MYLK: variants seen among roughly 807,000 people sequenced by gnomAD.
The protein encoded by MYLK is myosin light chain kinase, smooth muscle.
MYLK carries 106 observed loss-of-function variants against 203.4 expected under a neutral mutation model. That is an observed-to-expected ratio of 0.52 (90% confidence interval 0.45 to 0.61). MYLK has a LOEUF of 0.61. Among genes scored for constraint, MYLK ranks in the 20% least tolerant of loss-of-function variants. The pLI, the probability that MYLK is intolerant of heterozygous loss-of-function variation, is 0.00. For synonymous variants in MYLK, 867 were observed against 959.5 expected (o/e 0.90, Z 1.78); for missense variants, 2,072 against 2,442.3 (o/e 0.85, Z 3.20).
At chr3:123,694,820 CT>C (rs1350960936) in intron 18 of MYLK, among the ~76,000 whole-genome samples, 1 of 152,164 alleles carries the variant, frequency 6.6e-6, no homozygotes. Flanking sequence ...GGAGGCCCCC[CT>C]AGCAGGCTTG....
rs552093124 is a variant in MYLK, at chr3:123,633,418, C to T, written c.4962-3792G>A. On this transcript the variant is annotated intron_variant, in intron 29 of 33. Transcript: ENST00000360304. ...CTGGGAGTATAAGCATGAGCCACTG[C>T]GCCCAGCTAGATAACAGTCATTATT... 1.5e-4 allele frequency among the ~76,000 whole-genome samples: 23 copies of T among 152,236 alleles called. 1 individual carries two copies. The highest frequency in any genetic ancestry group is 1.2e-3 in the South Asian group (6 of 4,826).
chr3:123,689,960 T>A (rs975631814), intron 19 of MYLK, among the ~76,000 whole-genome samples: 3 of 152,234 alleles, frequency 2.0e-5, no homozygotes, highest in African/African-American at 7.2e-5. Flanking sequence ...GTGTGGGTAA[T>A]GCTATTTTAG....
At chr3:123,735,646 T>C (rs1576787991) in intron 8 of MYLK, 1 of 532,858 alleles carries the variant, frequency 1.9e-6, no homozygotes, top group Non-Finnish European at 3.4e-6. Context: ...TACCATACCC[T>C]GAGGGCATGG....
chr3:123,774,387 T>C (rs1485379979), intron 4 of MYLK, among the ~76,000 whole-genome samples: 1 of 152,142 alleles, frequency 6.6e-6, no homozygotes, highest in East Asian at 1.9e-4. Context: ...TGGACGGGGT[T>C]GGGCGTTCAT....
chr3:123,849,203 T>C (rs1219947890), intron 2 of MYLK, among the ~76,000 whole-genome samples: 2 of 152,112 alleles, frequency 1.3e-5, no homozygotes, highest in Non-Finnish European at 2.9e-5. Flanking sequence ...CTCAAATTTC[T>C]GAGCTCAAGT....
In MYLK at chr3:123,700,596, C is replaced by A; in HGVS notation, c.2872G>T (p.Ala958Ser). The A allele has an allele frequency of 6.2e-7, 1 of 1,613,718 alleles. No individual in the cohort carries two copies. The highest frequency in any genetic ancestry group is 8.5e-7 in the Non-Finnish European group (1 of 1,180,024). The change falls in exon 18 of 34, where the codon GCC becomes TCC. Residue 958 changes from alanine (A) to serine (S), a missense_variant. Transcript: ENST00000360304. ...PQQVDFRSVLAKKGTSKTPVP... is the reference protein window; with the variant it reads ...PQQVDFRSVLSKKGTSKTPVP... ...GGGGTCTTGGAAGTCCCCTTCTTGG[C>A]CAGGACAGAGCGAAAATCGACCTGC...
chr3:123,816,980 A>AT (rs1463636603), intron 3 of MYLK, among the ~76,000 whole-genome samples: 1 of 152,212 alleles, frequency 6.6e-6, no homozygotes, highest in Non-Finnish European at 1.5e-5. Flanking sequence ...TAGCACTGAG[A>AT]TTTAAGTGGA....
intron 1 of MYLK, among the ~76,000 whole-genome samples, chr3:123,879,637 T>C (rs1416197594): frequency 6.6e-6 from 1 of 152,102 alleles, no homozygotes; most frequent in African/African-American, 2.4e-5. Context: ...TTGTTGTTGT[T>C]GTTTGTTTGT....
intron 18 of MYLK, 72 bp downstream of exon 18, chr3:123,699,948 A>T: frequency 6.2e-7 from 1 of 1,605,496 alleles, no homozygotes; most frequent in Non-Finnish European, 8.5e-7. Context: ...GGTCAGCGAG[A>T]CCAACGCTCC....
rs1019118938 is a variant in MYLK at position 123,640,577 on chromosome 3, G to A, written c.4620-73C>T. 2.0e-6 allele frequency: 3 copies of A among 1,520,992 alleles called. No homozygotes were observed. Among genetic ancestry groups the A allele is most frequent in the Non-Finnish European group, 2.7e-6 (3 of 1,099,806 alleles). 94.2% of individuals were successfully genotyped at this position (1,520,992 alleles called of 1,614,324 possible). On this transcript the variant is annotated intron_variant, in intron 27 of 33. Transcript: ENST00000360304. This position sits in a 1 kb window ranked among gnomAD's most constrained non-coding sequence, Gnocchi z 4.3. The stretch of plus-strand genomic sequence containing the variant: ...CCAGGCTGGCAGGGAGTCTGGCCAG[G>A]GTAGGCTGGGGGTAGGAGAAATTGG...
At chr3:123,689,940 G>A (rs1284597581) in intron 19 of MYLK, among the ~76,000 whole-genome samples, 1 of 152,172 alleles carries the variant, frequency 6.6e-6, no homozygotes, top group Non-Finnish European at 1.5e-5. Flanking sequence ...ATGATATGAG[G>A]GAATCAGTAG....
In MYLK at chr3:123,629,902, C is replaced by T. The variant is rs961359937; in HGVS notation, c.4962-276G>A. ...AGATTACGGGCTTCTGCAGGGTACG[C>T]GGCAGGGCTGATAAGTCCCTCTGTC... On this transcript the variant is annotated intron_variant, in intron 29 of 33. Transcript: ENST00000360304. The surrounding 1 kb of genome is among the most constrained non-coding windows in gnomAD (Gnocchi z 4.4). 11 of 473,544 alleles carry T rather than the reference C, an allele frequency of 2.3e-5. No individual in the cohort carries two copies. In the Admixed American group the frequency reaches 2.7e-4, roughly 12 times the overall value. The allele number at this position is 473,544 out of a possible 1,614,324, so 29.3% of individuals were successfully genotyped here. A position where few individuals can be genotyped will look rare whatever the true frequency, so the allele number is the denominator to read the frequency against.
At chr3:123,797,311 C>T (rs759537503) in intron 3 of MYLK, among the ~76,000 whole-genome samples, 2 of 152,026 alleles carry the variant, frequency 1.3e-5, no homozygotes, top group South Asian at 2.1e-4. Context: ...ATTTTAATGG[C>T]GAGCATCAAG....
chr3:123,627,746 AT>A (rs150642653), intron 30 of MYLK, among the ~76,000 whole-genome samples: 17 of 150,880 alleles, frequency 1.1e-4, no homozygotes, highest in South Asian at 2.1e-4. Flanking sequence ...GTAGGAAGGA[AT>A]TTTTTTTTTA....
intron 13 of MYLK, among the ~76,000 whole-genome samples, chr3:123,718,887 A>G (rs1033366639): frequency 6.6e-6 from 1 of 152,212 alleles, no homozygotes; most frequent in African/African-American, 2.4e-5. Context: ...CCCCAGAACA[A>G]TGCCTGGCAC....
chr3:123,844,986 C>A (rs9821622), intron 2 of MYLK, among the ~76,000 whole-genome samples: 16 of 152,170 alleles, frequency 1.1e-4, no homozygotes, highest in African/African-American at 3.9e-4. Context: ...GCACTGCAGG[C>A]ATGAGCCACA....
intron 4 of MYLK, among the ~76,000 whole-genome samples, chr3:123,763,584 T>G (rs1461640583): frequency 6.6e-6 from 1 of 152,210 alleles, no homozygotes; most frequent in African/African-American, 2.4e-5. Flanking sequence ...TCTTCAGAAC[T>G]CTGAAGATAC....
chr3:123,682,419 G>A, intron 19 of MYLK, 109 bp from the exon 20 acceptor site: 2 of 846,336 alleles, frequency 2.4e-6, no homozygotes, highest in South Asian at 2.9e-5. Context: ...AACTCTGAGG[G>A]CCCTTTGTGC....
rs144662659 is a variant in MYLK at position 123,660,486 on chromosome 3, A to G, written c.3986-3058T>C. Among the ~76,000 whole-genome samples the G allele has an allele frequency of 2.9e-3, 442 of 152,296 alleles. 2 individuals are homozygous for G. The highest frequency in any genetic ancestry group is 0.01 in the African/African-American group (426 of 41,554). On this transcript the variant is annotated intron_variant, in intron 23 of 33. Transcript: ENST00000360304. The stretch of plus-strand genomic sequence containing the variant: ...CACTGTCCCCTCCCTTATTCCCCAC[A>G]GGCCAAGACCAGGGGCGCATGTGCA...
Sources: allele counts gnomAD v4.1 joint callset (sites outside exome capture counted in the v4.1 genomes callset), GRCh38; gene constraint gnomAD v4.1.1; non-coding constraint Gnocchi (gnomAD v3.1); transcripts MANE v1.5; gene names NCBI Gene and HGNC (gene_info 2026-07-23, HGNC 2026-07-21).